The following RYR3 variants were observed in gnomAD, a reference collection of about 807,000 sequenced individuals.
RYR3 encodes brain ryanodine receptor-calcium release channel.
A neutral mutation model predicts 584.3 loss-of-function variants in RYR3; 207 were observed. That is an observed-to-expected ratio of 0.35 (90% CI 0.32 to 0.40). RYR3 has a LOEUF of 0.40. Among genes scored for constraint, RYR3 ranks in the 10% least tolerant of loss-of-function variants. RYR3 has a pLI of 1.00. For synonymous variants in RYR3, 2,416 were observed against 2,248.5 expected, an observed-to-expected ratio of 1.07 and a Z score of -2.11; for missense variants, 5,616 against 6,089.2, an observed-to-expected ratio of 0.92 and a Z score of 2.59.
At chr15:33,564,425 C>G (rs2057585683) in intron 11 of RYR3, among the ~76,000 whole-genome samples, 2 of 152,278 alleles carry the variant, frequency 1.3e-5, no homozygotes, top group Admixed American at 1.3e-4. Context: ...CTGGAAAATA[C>G]AGTAGGCTTT....
At chr15:33,580,769 T>G (rs1046836828) in intron 13 of RYR3, among the ~76,000 whole-genome samples, 11 of 152,222 alleles carry the variant, frequency 7.2e-5, no homozygotes, top group Admixed American at 4.6e-4. Context: ...CTGCCATGCC[T>G]GGGCACAGGG....
chr15:33,406,249 CA>C (rs1185317950), intron 1 of RYR3, among the ~76,000 whole-genome samples: 1 of 152,098 alleles, frequency 6.6e-6, no homozygotes, highest in Non-Finnish European at 1.5e-5. Flanking sequence ...CTTTTTTTAC[CA>C]CCTTCTCTGA....
chr15:33,857,720 G>A, intron 98 of RYR3, 60 bp from the exon 99 acceptor site: 1 of 1,601,680 alleles, frequency 6.2e-7, no homozygotes, highest in Non-Finnish European at 8.5e-7. Flanking sequence ...AGTCTCCTGT[G>A]AACCTTTCAA....
At chr15:33,407,755 T>C (rs17098) in intron 1 of RYR3, among the ~76,000 whole-genome samples, 82,002 of 151,946 alleles carry the variant, frequency 0.54, 22,343 homozygotes, top group South Asian at 0.62. Flanking sequence ...AATAGAGGCA[T>C]CTCTAGAAAA....
chr15:33,819,720 A>AAATAAATAAATAAATG, intron 76 of RYR3, 36 bp from the exon 77 acceptor site: 1 of 1,199,322 alleles, frequency 8.3e-7, no homozygotes. Flanking sequence ...ATAAATAAAT[A>AAATAAATAAATAAATG]AAAAGCCTGC....
At chr15:33,687,896 T>G (rs1280243449) in intron 38 of RYR3, among the ~76,000 whole-genome samples, 1 of 152,146 alleles carries the variant, frequency 6.6e-6, no homozygotes, top group Non-Finnish European at 1.5e-5. Context: ...TCCTTACACC[T>G]TAGACAAAAA....
At chr15:33,834,033 G>A (rs2077861473) in intron 86 of RYR3, among the ~76,000 whole-genome samples, 1 of 152,140 alleles carries the variant, frequency 6.6e-6, no homozygotes, top group Non-Finnish European at 1.5e-5. Context: ...TGTACTCCCA[G>A]CACTTTGAGA....
intron 69 of RYR3, among the ~76,000 whole-genome samples, chr15:33,804,769 C>G (rs888413293): frequency 1.3e-5 from 2 of 152,190 alleles, no homozygotes; most frequent in Non-Finnish European, 2.9e-5. Context: ...GATGTTCTCT[C>G]TACTACCTGA....
At chr15:33,548,592 C>G (rs1287399484) in intron 9 of RYR3, among the ~76,000 whole-genome samples, 1 of 152,198 alleles carries the variant, frequency 6.6e-6, no homozygotes, top group African/African-American at 2.4e-5. Context: ...AAATGGCACA[C>G]AGACAGGTGG....
chr15:33,843,490 T>C lies in RYR3; in HGVS notation c.13212T>C (p.His4404=), dbSNP rs781736740. 6.3e-7 allele frequency: 1 copy of C among 1,600,000 alleles called. No individual in the cohort carries two copies. The highest frequency in any genetic ancestry group is 8.5e-7 in the Non-Finnish European group (1 of 1,172,204). The stretch of plus-strand genomic sequence containing the variant: ...TCTGCCTGTCCTTTTCTTTGCAGCA[T>C]TACCTGGCCAGGAATTTCTACAACC... The part of the protein sequence containing the change: ...GLEIYQTKLL[H]YLARNFYNLR... Residue 4404 remains histidine (H), a splice_region_variant and synonymous_variant, in exon 92 of 104, where the codon CAT becomes CAC. Coordinates refer to ENST00000634891, the MANE Select transcript of RYR3 (RefSeq NM_001036.6).
At chr15:33,719,838 A>G (rs1036253911) in intron 43 of RYR3, among the ~76,000 whole-genome samples, 1 of 152,196 alleles carries the variant, frequency 6.6e-6, no homozygotes, top group East Asian at 1.9e-4. Flanking sequence ...GGTCTTCTAC[A>G]AACTGTACAA....
intron 83 of RYR3, 88 bp downstream of exon 83, chr15:33,826,357 C>T (rs1356054696): frequency 1.4e-5 from 19 of 1,339,772 alleles, no homozygotes; most frequent in Non-Finnish European, 1.9e-5. Flanking sequence ...ACATTTTAGG[C>T]TTGGTAGTTG....
intron 2 of RYR3, among the ~76,000 whole-genome samples, chr15:33,474,749 T>C (rs1292141028): frequency 6.6e-6 from 1 of 152,142 alleles, no homozygotes; most frequent in Non-Finnish European, 1.5e-5. Flanking sequence ...GACCCACCTA[T>C]TGGCATGCCA....
chr15:33,799,552 C>G (rs940876747), intron 67 of RYR3, among the ~76,000 whole-genome samples: 1 of 152,234 alleles, frequency 6.6e-6, no homozygotes, highest in Non-Finnish European at 1.5e-5. Context: ...CCTCTTCCCC[C>G]ATACCTTGCC....
At chr15:33,595,311 T>A (rs1259269365) in intron 16 of RYR3, among the ~76,000 whole-genome samples, 1 of 152,220 alleles carries the variant, frequency 6.6e-6, no homozygotes, top group African/African-American at 2.4e-5. Context: ...TTTCAAACTT[T>A]TATAAACAAT....
intron 2 of RYR3, among the ~76,000 whole-genome samples, chr15:33,489,146 T>C (rs557502113): frequency 6.6e-6 from 1 of 152,326 alleles, no homozygotes; most frequent in African/African-American, 2.4e-5. Flanking sequence ...ATGAAGGAAA[T>C]GCCTACAATT....
Position 33,498,399 on chromosome 15 carries a change from T to G in RYR3, c.172-5232T>G, listed in dbSNP as rs527814120. On this transcript the variant is annotated intron_variant, in intron 2 of 103. Transcript: ENST00000634891. ...GGCATCTTAACTGGACTACTATCAT[T>G]GTGGCTTTGATTTGCATTTCCCTGA... Among the ~76,000 whole-genome samples, 4 of 152,354 alleles carry G rather than the reference T, an allele frequency of 2.6e-5. No homozygotes were observed. In the South Asian group the frequency reaches 8.3e-4, roughly 32 times the overall value.
At chr15:33,848,490 T>C in intron 94 of RYR3, 69 bp downstream of exon 94, 1 of 1,519,748 alleles carries the variant, frequency 6.6e-7, no homozygotes, top group Non-Finnish European at 8.8e-7. Context: ...AACTCTTTCC[T>C]CCTGGCCTTA....
At chr15:33,497,089 G>T (rs1596370298) in intron 2 of RYR3, among the ~76,000 whole-genome samples, 1 of 152,134 alleles carries the variant, frequency 6.6e-6, no homozygotes, top group Non-Finnish European at 1.5e-5. Flanking sequence ...GACTCTGGTT[G>T]CCCAGCCTCC....
Sources: allele counts gnomAD v4.1 joint callset (sites outside exome capture counted in the v4.1 genomes callset), GRCh38; gene constraint gnomAD v4.1.1; transcripts MANE v1.5; gene names NCBI Gene and HGNC (gene_info 2026-07-23, HGNC 2026-07-21).